KDM4C: variants seen among roughly 807,000 people sequenced by gnomAD.
KDM4C encodes the protein lysine-specific demethylase 4C.
Under a neutral mutation model 129.3 loss-of-function variants are expected in KDM4C, and 81 were observed. The ratio of observed to expected loss-of-function variants is 0.63; its 90% confidence interval spans 0.52 to 0.75. The LOEUF (loss-of-function observed/expected upper bound fraction) is 0.75. Among genes scored for constraint, KDM4C ranks in the 30% least tolerant of loss-of-function variants. The pLI is 0.00. For synonymous variants in KDM4C, 573 were observed against 456.1 expected, an observed-to-expected ratio of 1.26 and a Z score of -3.26; for missense variants, 1,457 against 1,304.0, an observed-to-expected ratio of 1.12 and a Z score of -1.81.
chr9:6,973,667 T>G (rs1374283572), intron 8 of KDM4C, among the ~76,000 whole-genome samples: 1 of 152,226 alleles, frequency 6.6e-6, no homozygotes, highest in Non-Finnish European at 1.5e-5. Flanking sequence ...ATATACTATT[T>G]AGAGCTTCTA....
At chr9:6,834,127 C>A (rs1456653257) in intron 4 of KDM4C, among the ~76,000 whole-genome samples, 1 of 147,518 alleles carries the variant, frequency 6.8e-6, no homozygotes, top group Non-Finnish European at 1.5e-5. Context: ...CAACCTCCGT[C>A]TTCTGGGTTC....
intron 17 of KDM4C, among the ~76,000 whole-genome samples, chr9:7,050,877 T>C (rs1206444656): frequency 6.6e-6 from 1 of 152,212 alleles, no homozygotes; most frequent in African/African-American, 2.4e-5. Context: ...AGAAATATCA[T>C]AATTGCAAGT....
chr9:6,780,307 T>G (rs1824032080), intron 1 of KDM4C, among the ~76,000 whole-genome samples: 1 of 125,714 alleles, frequency 8.0e-6, no homozygotes, highest in Non-Finnish European at 1.7e-5. Context: ...AAAGCACCAT[T>G]AAAGATGAGG....
rs558511560 is a variant in KDM4C at position 6,780,571 on chromosome 9, C to A, written c.-17-12401C>A. Among the ~76,000 whole-genome samples, 4 of 151,720 alleles carry A rather than the reference C, an allele frequency of 2.6e-5. No individual in the cohort carries two copies. The South Asian group carries it at 8.4e-4, about 32-fold the overall frequency. On this transcript the variant is annotated intron_variant, in intron 1 of 21. Transcript: ENST00000381309. ...CTCTTCGAGCTCAAGAGTCCAGGAC[C>A]AGCCTGGAAACATGGCAAAACCTTG... is the stretch of plus-strand genomic sequence containing the variant.
intron 4 of KDM4C, among the ~76,000 whole-genome samples, chr9:6,837,061 C>A (rs1836002760): frequency 6.6e-6 from 1 of 151,926 alleles, no homozygotes; most frequent in Non-Finnish European, 1.5e-5. Flanking sequence ...CACTGTATAT[C>A]ATTTTTGTTT....
chr9:6,930,838 T>C (rs1477443814), intron 8 of KDM4C, among the ~76,000 whole-genome samples: 1 of 151,908 alleles, frequency 6.6e-6, no homozygotes, highest in African/African-American at 2.4e-5. Flanking sequence ...CCCTAATCTA[T>C]TAGTTCCTTT....
At chr9:7,124,680 G>A (rs1407252622) in intron 18 of KDM4C, among the ~76,000 whole-genome samples, 1 of 152,166 alleles carries the variant, frequency 6.6e-6, no homozygotes, top group Non-Finnish European at 1.5e-5. Context: ...TTCAAGTATA[G>A]TGCAATTAAA....
chr9:6,753,845 C>G (rs756199750), upstream of KDM4C, among the ~76,000 whole-genome samples: 4 of 149,320 alleles, frequency 2.7e-5, no homozygotes, highest in Non-Finnish European at 4.4e-5. Context: ...AATAAAAACA[C>G]TAAGTATTAC....
intron 8 of KDM4C, among the ~76,000 whole-genome samples, chr9:6,959,270 T>A (rs1210150241): frequency 6.6e-6 from 1 of 152,224 alleles, no homozygotes; most frequent in African/African-American, 2.4e-5. Flanking sequence ...TCCCAGATGT[T>A]ACTTTTTATT....
chr9:6,966,932 T>C (rs886115170), intron 8 of KDM4C, among the ~76,000 whole-genome samples: 1 of 152,156 alleles, frequency 6.6e-6, no homozygotes, highest in African/African-American at 2.4e-5. Context: ...AAAAAATTGA[T>C]GATTTAGGGT....
intron 8 of KDM4C, among the ~76,000 whole-genome samples, chr9:6,928,571 C>T (rs1823059208): frequency 6.6e-6 from 1 of 151,696 alleles, no homozygotes; most frequent in African/African-American, 2.4e-5. Flanking sequence ...CGTCGGTATC[C>T]TGGACTATAG....
Position 6,814,754 on chromosome 9 carries a change from A to T in KDM4C, c.435+9A>T. ...GGAGCATATATGATGAGGTACATTC[A>T]TATTTACAGTGAGTTTTGTAAAGAT... On this transcript the variant is annotated intron_variant, in intron 4 of 21. Coordinates refer to ENST00000381309, the MANE Select transcript of KDM4C (RefSeq NM_015061.6). The T allele has an allele frequency of 6.7e-7, 1 of 1,491,754 alleles. No homozygotes were observed. The highest frequency in any genetic ancestry group is 2.3e-5 in the East Asian group (1 of 43,810). 92.4% of individuals were successfully genotyped at this position (1,491,754 alleles called of 1,614,324 possible).
At chr9:7,059,868 AAT>A in intron 17 of KDM4C, among the ~76,000 whole-genome samples, 1 of 152,120 alleles carries the variant, frequency 6.6e-6, no homozygotes. Flanking sequence ...TGAATTCATA[AAT>A]ATATATTTTT....
intron 3 of KDM4C, among the ~76,000 whole-genome samples, chr9:6,807,858 CAA>C (rs1830354280): frequency 6.8e-6 from 1 of 146,356 alleles, no homozygotes; most frequent in African/African-American, 2.6e-5. Flanking sequence ...GTCAGCCCCC[CAA>C]CCTGGCCAGC....
chr9:7,146,676 C>T lies in KDM4C; in HGVS notation c.2781+18440C>T, dbSNP rs964624582. ...ACTCATTCCTTTGTTCCCTAAAACA[C>T]GAGATGCTTGAAAATTCCCAGGTAA... On this transcript the variant is annotated intron_variant, in intron 19 of 21. Coordinates refer to ENST00000381309, the MANE Select transcript of KDM4C (RefSeq NM_015061.6). Among the ~76,000 whole-genome samples, 9 of 152,190 alleles carry T rather than the reference C, an allele frequency of 5.9e-5. No homozygotes were observed. In the South Asian group the frequency reaches 6.2e-4, roughly 11 times the overall value.
At chr9:6,993,678 A>G (rs1256797911) in intron 12 of KDM4C, among the ~76,000 whole-genome samples, 2 of 152,158 alleles carry the variant, frequency 1.3e-5, no homozygotes, top group East Asian at 1.9e-4. Context: ...GGAGAGGGCA[A>G]TGCTCTGTCT....
intron 17 of KDM4C, among the ~76,000 whole-genome samples, chr9:7,093,429 A>G (rs1396397000): frequency 6.6e-6 from 1 of 152,192 alleles, no homozygotes; most frequent in African/African-American, 2.4e-5. Flanking sequence ...AGCCTCCCCT[A>G]ATTACACCAT....
chr9:7,123,049 C>A (rs955566742), intron 18 of KDM4C, among the ~76,000 whole-genome samples: 1 of 152,156 alleles, frequency 6.6e-6, no homozygotes, highest in African/African-American at 2.4e-5. Context: ...AATCAGAAAT[C>A]CTATCAAAAT....
At chr9:6,967,061 A>C (rs1173956457) in intron 8 of KDM4C, among the ~76,000 whole-genome samples, 1 of 152,316 alleles carries the variant, frequency 6.6e-6, no homozygotes, top group African/African-American at 2.4e-5. Context: ...TAGTTGGGAC[A>C]TACAAAGAAC....
Sources: allele counts gnomAD v4.1 joint callset (sites outside exome capture counted in the v4.1 genomes callset), GRCh38; gene constraint gnomAD v4.1.1; transcripts MANE v1.5; gene names NCBI Gene and HGNC (gene_info 2026-07-23, HGNC 2026-07-21).